The following GDAP2 variants were observed in gnomAD, a reference collection of about 807,000 sequenced individuals.
GDAP2 encodes the protein ganglioside-induced differentiation-associated protein 2.
GDAP2 carries 51 observed loss-of-function variants against 67.0 expected under a neutral mutation model. That is an observed-to-expected ratio of 0.76 (90% CI 0.61 to 0.96). The LOEUF is 0.96. Among genes scored for constraint, GDAP2 ranks in the 40% least tolerant of loss-of-function variants. The pLI, the probability that GDAP2 is intolerant of heterozygous loss-of-function variation, is 0.00. For synonymous variants in GDAP2, 203 were observed against 207.3 expected, an observed-to-expected ratio of 0.98 and a Z score of 0.18; for missense variants, 547 against 588.3, an observed-to-expected ratio of 0.93 and a Z score of 0.73.
chr1:117,907,660 A>T (rs1649704033), intron 5 of GDAP2, among the ~76,000 whole-genome samples: 1 of 151,922 alleles, frequency 6.6e-6, no homozygotes, highest in African/African-American at 2.4e-5. Flanking sequence ...TTTTAATTCT[A>T]TTGCTAATAT....
intron 13 of GDAP2, among the ~76,000 whole-genome samples, chr1:117,871,151 A>G (rs750125978): frequency 1.3e-5 from 2 of 152,224 alleles, no homozygotes; most frequent in Non-Finnish European, 2.9e-5. Context: ...AGCTATAACT[A>G]TTTTGGCAGA....
In GDAP2 at chr1:117,869,253, A is replaced by T. The variant is rs193103464; in HGVS notation, c.*1316T>A. 3 of 152,176 alleles carry T rather than the reference A, an allele frequency of 2.0e-5. No individual in the cohort carries two copies. The highest frequency in any genetic ancestry group is 4.4e-5 in the Non-Finnish European group (3 of 68,034). The allele number at this position is 152,176 out of a possible 1,614,324, so 9.4% of individuals were successfully genotyped here. On this transcript the variant is annotated 3_prime_UTR_variant, in exon 14 of 14. Coordinates refer to ENST00000369443, the MANE Select transcript of GDAP2 (RefSeq NM_017686.4). ...AATAATAATGGTTTGACCTTAATTC[A>T]AGAAGAAATGTTTAAAATGGCCAAC...
chr1:117,924,892 A>G (rs1293690207), intron 1 of GDAP2, among the ~76,000 whole-genome samples: 4 of 151,980 alleles, frequency 2.6e-5, no homozygotes, highest in African/African-American at 9.7e-5. Flanking sequence ...AAGACTATAT[A>G]CTCTTCTATC....
At chr1:117,911,084 C>T (rs1649839894) in intron 5 of GDAP2, among the ~76,000 whole-genome samples, 1 of 152,148 alleles carries the variant, frequency 6.6e-6, no homozygotes. Context: ...ATCATATTTG[C>T]TAAAAGCATG....
At chr1:117,902,622 C>A (rs114768598) in intron 6 of GDAP2, among the ~76,000 whole-genome samples, 2,033 of 152,282 alleles carry the variant, frequency 0.013, 37 homozygotes, top group South Asian at 0.092. Flanking sequence ...CTGACCTATA[C>A]GTTTATCCTT....
intron 11 of GDAP2, among the ~76,000 whole-genome samples, chr1:117,882,165 C>A (rs749536718): frequency 6.6e-6 from 1 of 152,022 alleles, no homozygotes; most frequent in Non-Finnish European, 1.5e-5. Context: ...TATGGTGTGT[C>A]ATTTTTTAAT....
chr1:117,916,379 A>C (rs1650044360), intron 3 of GDAP2, among the ~76,000 whole-genome samples: 1 of 152,190 alleles, frequency 6.6e-6, no homozygotes, highest in South Asian at 2.1e-4. Context: ...GGGGCATGGG[A>C]TAAGCCTGGA....
intron 8 of GDAP2, among the ~76,000 whole-genome samples, chr1:117,892,615 G>GA (rs879340945): frequency 5.3e-5 from 8 of 151,876 alleles, no homozygotes; most frequent in Non-Finnish European, 1.2e-4. Context: ...CAAAATGGCA[G>GA]AAAAAAATAG....
chr1:117,892,260 A>G (rs1375673403), intron 8 of GDAP2, among the ~76,000 whole-genome samples: 4 of 152,192 alleles, frequency 2.6e-5, no homozygotes, highest in Non-Finnish European at 5.9e-5. Flanking sequence ...AGTAAAAGCA[A>G]AAAGACTGTT....
intron 8 of GDAP2, among the ~76,000 whole-genome samples, chr1:117,894,818 T>C (rs1039041777): frequency 1.1e-4 from 16 of 152,228 alleles, no homozygotes; most frequent in African/African-American, 3.4e-4. Flanking sequence ...ACAGTATTTG[T>C]TGCCAATGAT....
In GDAP2 at chr1:117,869,603, A is replaced by G. The variant is rs1450441467; in HGVS notation, c.*966T>C. On this transcript the variant is annotated 3_prime_UTR_variant, in exon 14 of 14. Coordinates refer to ENST00000369443, the MANE Select transcript of GDAP2 (RefSeq NM_017686.4). ...CAAGCTAAGGCACAAATAGAGCCTG[A>G]GTGGTAAAAGTGGTCTTTTGCCAAT... 6.5e-6 allele frequency: 1 copy of G among 152,672 alleles called. No individual in the cohort carries two copies. Among genetic ancestry groups the G allele is most frequent in the Non-Finnish European group, 1.5e-5 (1 of 68,054 alleles). 9.5% of individuals were successfully genotyped at this position (152,672 alleles called of 1,614,324 possible).
chr1:117,873,873 T>C (rs1057304437), intron 13 of GDAP2, among the ~76,000 whole-genome samples: 1 of 152,220 alleles, frequency 6.6e-6, no homozygotes, highest in Admixed American at 6.5e-5. Context: ...TCCCTGCCAT[T>C]ATCACTACCA....
In GDAP2 at chr1:117,868,281, A is replaced by C. The variant is rs1469184833; in HGVS notation, c.*2288T>G. 6.6e-6 allele frequency: 1 copy of C among 152,214 alleles called. No homozygotes were observed. The allele number at this position is 152,214 out of a possible 1,614,324, so 9.4% of individuals were successfully genotyped here. A position where few individuals can be genotyped will look rare whatever the true frequency, so the allele number is the denominator to read the frequency against. On this transcript the variant is annotated 3_prime_UTR_variant, in exon 14 of 14. Coordinates refer to ENST00000369443, the MANE Select transcript of GDAP2 (RefSeq NM_017686.4). Reference sequence around the variant, plus strand: ...TATAAAAGCATGAACTTGGTCCCACATCAAATTTAGTTTCAGTGAGAAGAG... The same window carrying C: ...TATAAAAGCATGAACTTGGTCCCACCTCAAATTTAGTTTCAGTGAGAAGAG...
Position 117,878,034 on chromosome 1 carries a change from G to A in GDAP2, c.1421C>T (p.Pro474Leu). 1.9e-6 allele frequency: 3 copies of A among 1,612,804 alleles called. No homozygotes were observed. Among genetic ancestry groups the A allele is most frequent in the Non-Finnish European group, 2.5e-6 (3 of 1,178,924 alleles). ...AISPEQIDFP[P>L]FVLEYDAREN... is the part of the protein sequence containing the mutation. Reference sequence around the variant, plus strand: ...CCTGGCATCATATTCAAGGACAAAAGGAGGAAAGTCAATCTGTTCTGGTGA... The same window carrying A: ...CCTGGCATCATATTCAAGGACAAAAAGAGGAAAGTCAATCTGTTCTGGTGA... The change falls in exon 13 of 14, where the codon CCT becomes CTT. Residue 474 changes from proline (P) to leucine (L), a missense_variant. Coordinates refer to ENST00000369443, the MANE Select transcript of GDAP2 (RefSeq NM_017686.4).
At position 117,887,695 on chromosome 1, in the gene GDAP2, C is replaced by A; in HGVS notation, c.1030+3G>T. ...GAATAAGTTACCATATATTTAAGCT[C>A]ACCTGTTTGGTATAAGGCTTTTAGA... On this transcript the variant is annotated splice_donor_region_variant and intron_variant, in intron 9 of 13. Transcript: ENST00000369443. 6.9e-7 allele frequency: 1 copy of A among 1,441,282 alleles called. No individual in the cohort carries two copies. Among genetic ancestry groups the A allele is most frequent in the Non-Finnish European group, 9.8e-7 (1 of 1,022,898 alleles). 89.3% of individuals were successfully genotyped at this position (1,441,282 alleles called of 1,614,324 possible).
Position 117,903,105 on chromosome 1 carries a change from T to C in GDAP2, c.636+3401A>G, listed in dbSNP as rs76330557. 6.8e-3 allele frequency among the ~76,000 whole-genome samples: 1,039 copies of C among 152,318 alleles called. 9 individuals are homozygous for C. Among genetic ancestry groups the C allele is most frequent in the African/African-American group, 0.023 (973 of 41,574 alleles). On this transcript the variant is annotated intron_variant, in intron 6 of 13. Transcript: ENST00000369443. ...TGTAGAAATACAATTTATTTTTGCATATTGATCTTATGTCCTGTAACCCCA... is the reference window on the plus strand; with the variant it reads ...TGTAGAAATACAATTTATTTTTGCACATTGATCTTATGTCCTGTAACCCCA...
chr1:117,907,233 T>TC (rs1424475806), intron 5 of GDAP2, among the ~76,000 whole-genome samples: 2 of 152,210 alleles, frequency 1.3e-5, no homozygotes, highest in African/African-American at 4.8e-5. Context: ...ACACATGTCC[T>TC]CATCTTTTAA....
intron 11 of GDAP2, among the ~76,000 whole-genome samples, 154 bp from the exon 12 acceptor site, chr1:117,882,031 G>A (rs1378765126): frequency 6.6e-6 from 1 of 152,126 alleles, no homozygotes; most frequent in Non-Finnish European, 1.5e-5. Flanking sequence ...TTAGGTGAAT[G>A]CCAAAAACAA....
At chr1:117,912,485 T>C (rs753271086) in intron 4 of GDAP2, 45 bp downstream of exon 4, 1 of 1,528,548 alleles carries the variant, frequency 6.5e-7, no homozygotes, top group Admixed American at 2.0e-5. Flanking sequence ...CTGGGGCCTT[T>C]AACAATGTAT....
Sources: gnomAD v4.1 joint callset for allele counts (sites outside exome capture counted in the v4.1 genomes callset) on GRCh38, gnomAD v4.1.1 for gene constraint, MANE v1.5 for transcripts, NCBI Gene and HGNC (gene_info 2026-07-23, HGNC 2026-07-21) for gene names.